LRP1B: variants seen among roughly 807,000 people sequenced by gnomAD.
LRP1B encodes LDL receptor related protein 1B, also known as low-density lipoprotein receptor-related protein 1B.
Under a neutral mutation model 556.6 loss-of-function variants are expected in LRP1B, and 217 were observed. That is an observed-to-expected ratio of 0.39 (90% CI 0.35 to 0.44). The LOEUF is 0.44. Ranked by LOEUF, LRP1B falls within the 20% of genes least tolerant of loss-of-function variation. The pLI, the probability that LRP1B is intolerant of heterozygous loss-of-function variation, is 1.00. For synonymous variants in LRP1B, 2,047 were observed against 1,865.8 expected, an observed-to-expected ratio of 1.10 and a Z score of -2.50; for missense variants, 5,053 against 5,620.8, an observed-to-expected ratio of 0.90 and a Z score of 3.23.
intron 33 of LRP1B, among the ~76,000 whole-genome samples, chr2:140,772,580 GA>G (rs1689351834): frequency 6.6e-6 from 1 of 152,120 alleles, no homozygotes; most frequent in South Asian, 2.1e-4. Context: ...GAAGTGCTGG[GA>G]TTACAGGATG....
intron 2 of LRP1B, among the ~76,000 whole-genome samples, chr2:141,624,926 C>T (rs1376824702): frequency 1.3e-5 from 2 of 152,038 alleles, no homozygotes; most frequent in Admixed American, 6.6e-5. Flanking sequence ...CCCGCCACCA[C>T]GCCCGGCTAA....
intron 6 of LRP1B, among the ~76,000 whole-genome samples, chr2:141,213,304 A>G (rs980964479): frequency 3.3e-5 from 5 of 152,146 alleles, no homozygotes; most frequent in Non-Finnish European, 7.3e-5. Context: ...CATACATTTA[A>G]TAAAGATTAA....
At chr2:141,618,250 AG>A (rs1261378210) in intron 2 of LRP1B, among the ~76,000 whole-genome samples, 4 of 152,168 alleles carry the variant, frequency 2.6e-5, no homozygotes, top group Non-Finnish European at 4.4e-5. Flanking sequence ...CAGTGATTAC[AG>A]CAAAAGGCAA....
intron 2 of LRP1B, among the ~76,000 whole-genome samples, chr2:141,651,529 G>C (rs1474305717): frequency 1.3e-5 from 2 of 152,112 alleles, no homozygotes; most frequent in Non-Finnish European, 2.9e-5. Flanking sequence ...CCAGGTGTTG[G>C]TGGTGCATGC....
chr2:141,000,509 A>C (rs1302890444), intron 15 of LRP1B, among the ~76,000 whole-genome samples: 6 of 152,036 alleles, frequency 3.9e-5, no homozygotes, highest in African/African-American at 1.4e-4. Flanking sequence ...GTCTATTACA[A>C]GTACAGGTGG....
intron 31 of LRP1B, among the ~76,000 whole-genome samples, chr2:140,830,963 C>T (rs972193140): frequency 6.6e-6 from 1 of 151,714 alleles, no homozygotes; most frequent in African/African-American, 2.4e-5. Context: ...GCAATTGCTA[C>T]AAAAAATATA....
intron 66 of LRP1B, among the ~76,000 whole-genome samples, chr2:140,431,397 C>A (rs548043179): frequency 1.3e-5 from 2 of 152,202 alleles, no homozygotes; most frequent in Admixed American, 1.3e-4. Context: ...GGCACCAGAC[C>A]AACTTGGACT....
At chr2:141,168,824 T>A (rs1680373399) in intron 7 of LRP1B, among the ~76,000 whole-genome samples, 1 of 152,056 alleles carries the variant, frequency 6.6e-6, no homozygotes, top group African/African-American at 2.4e-5. Flanking sequence ...ATGGGTACAA[T>A]AAATACCTAT....
intron 1 of LRP1B, among the ~76,000 whole-genome samples, chr2:142,029,145 G>A (rs1051418977): frequency 6.6e-6 from 1 of 151,788 alleles, no homozygotes; most frequent in Admixed American, 6.6e-5. Context: ...TAGAGAACTT[G>A]TTAAACAGTT....
chr2:140,327,260 G>A (rs1680536637), intron 79 of LRP1B, among the ~76,000 whole-genome samples: 1 of 151,976 alleles, frequency 6.6e-6, no homozygotes, highest in Admixed American at 6.6e-5. Flanking sequence ...TAATCAGAAT[G>A]GAAATAATCC....
At position 140,582,191 on chromosome 2, in the gene LRP1B, T is replaced by C. The variant is rs151041003; in HGVS notation, c.7194+16440A>G. On this transcript the variant is annotated intron_variant, in intron 43 of 90. Transcript: ENST00000389484. Reference sequence around the variant, plus strand: ...GGTAAATTCTCTGTTATGCCTATAGTAGACTACAATAATTATTCTCAATTT... The same window carrying C: ...GGTAAATTCTCTGTTATGCCTATAGCAGACTACAATAATTATTCTCAATTT... 3.2e-3 allele frequency among the ~76,000 whole-genome samples: 485 copies of C among 152,308 alleles called. 2 individuals carry two copies. Among genetic ancestry groups the C allele is most frequent in the African/African-American group, 0.011 (465 of 41,564 alleles).
intron 2 of LRP1B, among the ~76,000 whole-genome samples, chr2:141,723,429 A>G (rs937700984): frequency 2.0e-5 from 3 of 151,448 alleles, no homozygotes; most frequent in Admixed American, 6.6e-5. Context: ...GTACAGATGC[A>G]AATTTACTTA....
At chr2:141,342,966 G>C in intron 3 of LRP1B, among the ~76,000 whole-genome samples, 1 of 152,112 alleles carries the variant, frequency 6.6e-6, no homozygotes, top group East Asian at 1.9e-4. Context: ...GTTAAGGGCA[G>C]CCAGAGAGAA....
chr2:141,160,366 A>G (rs1679962159), intron 7 of LRP1B, among the ~76,000 whole-genome samples: 1 of 152,156 alleles, frequency 6.6e-6, no homozygotes, highest in Non-Finnish European at 1.5e-5. Context: ...AAAGTTAAAC[A>G]TGAATTTACC....
chr2:141,079,689 A>G (rs945154122), intron 7 of LRP1B, among the ~76,000 whole-genome samples: 1 of 152,198 alleles, frequency 6.6e-6, no homozygotes, highest in African/African-American at 2.4e-5. Context: ...CTGTATACAA[A>G]TTTTCATAAT....
intron 2 of LRP1B, among the ~76,000 whole-genome samples, chr2:141,626,441 G>A (rs1026539953): frequency 6.6e-6 from 1 of 152,142 alleles, no homozygotes; most frequent in Non-Finnish European, 1.5e-5. Context: ...CACCAACTAT[G>A]AATGTAATAA....
intron 1 of LRP1B, among the ~76,000 whole-genome samples, chr2:142,061,987 T>A (rs192014170): frequency 1.7e-3 from 254 of 152,020 alleles, no homozygotes; most frequent in African/African-American, 5.9e-3. Context: ...AGTGGGCTGC[T>A]GCTATTGCTC....
At chr2:140,351,639 T>A (rs997455057) in intron 76 of LRP1B, among the ~76,000 whole-genome samples, 1 of 151,982 alleles carries the variant, frequency 6.6e-6, no homozygotes, top group Non-Finnish European at 1.5e-5. Context: ...TACAATAGAG[T>A]ACTAATGTCA....
intron 18 of LRP1B, among the ~76,000 whole-genome samples, chr2:140,967,028 T>C (rs1696247730): frequency 6.6e-6 from 1 of 152,188 alleles, no homozygotes; most frequent in Non-Finnish European, 1.5e-5. Context: ...CAATGAGGGC[T>C]CTTTTTTGGT....
Sources: gnomAD v4.1 joint callset for allele counts (sites outside exome capture counted in the v4.1 genomes callset) on GRCh38, gnomAD v4.1.1 for gene constraint, MANE v1.5 for transcripts, NCBI Gene and HGNC (gene_info 2026-07-23, HGNC 2026-07-21) for gene names.